XKRX: variants seen among roughly 807,000 people sequenced by gnomAD.
XKRX encodes the protein XK related X-linked, also known as XK-related protein 2.
Under a neutral mutation model 22.4 loss-of-function variants are expected in XKRX, and 11 were observed. That is an observed-to-expected ratio of 0.49 (90% CI 0.31 to 0.81). XKRX has a LOEUF of 0.81. XKRX is among the 40% of genes least tolerant of loss of function. XKRX has a pLI of 0.05. For missense variants in XKRX, 320 were observed against 336.5 expected (o/e 0.95, Z 0.38); for synonymous variants, 114 against 132.2 (o/e 0.86, Z 0.94).
At chrX:100,901,078 C>T in the XKRX span, among the ~76,000 whole-genome samples, 1 of 111,522 alleles carries the variant, frequency 9.0e-6, no homozygotes, top group Non-Finnish European at 1.9e-5. Context: ...GCGTGAGCCA[C>T]CGCACCTGGC....
In XKRX at chrX:100,927,845, G is replaced by A. The variant is rs752762958; in HGVS notation, c.335+125C>T. On this transcript the variant is annotated intron_variant, in intron 1 of 2. Coordinates refer to ENST00000372956, the MANE Select transcript of XKRX (RefSeq NM_212559.3). ...TTTCTGAATGGTAGACAGGGAAGCCGAGAGTGGGAGGAAATGAGAGAATTG... is the reference window on the plus strand; with the variant it reads ...TTTCTGAATGGTAGACAGGGAAGCCAAGAGTGGGAGGAAATGAGAGAATTG... The A allele has an allele frequency of 4.6e-5, 41 of 881,996 alleles. No homozygotes were observed. The East Asian group carries it at 7.7e-4, about 17-fold the overall frequency. 72.7% of individuals were successfully genotyped at this position (881,996 alleles called of 1,213,427 possible).
upstream of XKRX, chrX:100,929,304 G>C (rs1350149541): frequency 8.9e-6 from 1 of 111,872 alleles, no homozygotes; most frequent in Non-Finnish European, 1.9e-5. Context: ...AAAACCAGCC[G>C]GAGAGTTCCC....
At chrX:100,957,909 A>G in the XKRX span, among the ~76,000 whole-genome samples, 1 of 111,477 alleles carries the variant, frequency 9.0e-6, no homozygotes, top group East Asian at 2.8e-4. Context: ...AGAGCAGCAC[A>G]TTCTTACAGA....
intron 2 of XKRX, among the ~76,000 whole-genome samples, chrX:100,917,723 A>AAAGAAAGAAAGAAAGAAAGAAATAAATC (rs1244436845): frequency 4.9e-5 from 4 of 81,429 alleles, no homozygotes; most frequent in Non-Finnish European, 1.1e-4. Flanking sequence ...AGAAAGAAAG[A>AAAGAAAGAAAGAAAGAAAGAAATAAATC]AATCCTTGGT....
the XKRX span, among the ~76,000 whole-genome samples, chrX:100,898,231 TC>T: frequency 3.6e-5 from 4 of 111,724 alleles, no homozygotes; most frequent in Non-Finnish European, 7.5e-5. Context: ...CTGTCTGCTG[TC>T]CTCACTCACC....
chrX:100,899,951 C>G, the XKRX span, among the ~76,000 whole-genome samples: 2 of 112,172 alleles, frequency 1.8e-5, no homozygotes, highest in African/African-American at 6.5e-5. Flanking sequence ...AATGCAATCC[C>G]TATCAAAATC....
At chrX:100,912,312 G>C (rs1472653545), downstream of XKRX, among the ~76,000 whole-genome samples, 1 of 111,156 alleles carries the variant, frequency 9.0e-6, no homozygotes, top group Non-Finnish European at 1.9e-5. Flanking sequence ...AATGGAATGG[G>C]GGAGTTGGGG....
chrX:100,919,569 A>G (rs2085461866), intron 2 of XKRX, among the ~76,000 whole-genome samples: 1 of 112,011 alleles, frequency 8.9e-6, no homozygotes, highest in African/African-American at 3.2e-5. Flanking sequence ...ATTAATATGA[A>G]AAAGACAACC....
At chrX:100,920,709 G>T (rs2147941057) in intron 2 of XKRX, among the ~76,000 whole-genome samples, 1 of 112,245 alleles carries the variant, frequency 8.9e-6, no homozygotes, top group South Asian at 3.7e-4. Context: ...GAAATTTTCT[G>T]TGCAAATACA....
chrX:100,907,624 T>A, the XKRX span, among the ~76,000 whole-genome samples: 1 of 111,874 alleles, frequency 8.9e-6, no homozygotes, highest in African/African-American at 3.3e-5. Flanking sequence ...AAAATTTAAG[T>A]TACCAGTTTT....
At chrX:100,934,415 A>C (rs2085529519), upstream of XKRX, among the ~76,000 whole-genome samples, 1 of 112,014 alleles carries the variant, frequency 8.9e-6, no homozygotes, top group African/African-American at 3.2e-5. Context: ...CTTGAAATGC[A>C]GGCAGAATTT....
chrX:100,916,567 T>G (rs1412624730), intron 2 of XKRX, among the ~76,000 whole-genome samples: 2 of 112,233 alleles, frequency 1.8e-5, no homozygotes, highest in East Asian at 5.6e-4. Context: ...AGGAGACTCA[T>G]AGAGAACGCT....
Position 100,928,244 on chromosome X carries a change from C to T in XKRX, c.61G>A (p.Glu21Lys). The T allele has an allele frequency of 1.7e-6, 2 of 1,211,679 alleles. No individual in the cohort carries two copies. The highest frequency in any genetic ancestry group is 2.2e-6 in the Non-Finnish European group (2 of 895,528). Residue 21 changes from glutamate (E) to lysine (K), a missense_variant, in exon 1 of 3, where the codon GAA becomes AAA. By Grantham distance (56) the Glu-to-Lys change is moderately conservative. Coordinates refer to ENST00000372956, the MANE Select transcript of XKRX (RefSeq NM_212559.3). ...GGGTTGGCTCCACGGATGACATCTT[C>T]CTCCAGAGATGAAACCGGATCCACA... ...PNVDPVSSLE[E>K]DVIRGANPRF...
chrX:100,891,914 A>G, the XKRX span, among the ~76,000 whole-genome samples: 3 of 111,619 alleles, frequency 2.7e-5, no homozygotes, highest in Non-Finnish European at 5.6e-5. Context: ...TAAATACTTA[A>G]ACATAAGGCC....
chrX:100,936,253 AC>A, the XKRX span, among the ~76,000 whole-genome samples: 36 of 110,289 alleles, frequency 3.3e-4, no homozygotes, highest in African/African-American at 1.2e-3. Context: ...ATAAAGAAAT[AC>A]CCATGGCCGG....
At chrX:100,941,405 T>A in the XKRX span, among the ~76,000 whole-genome samples, 1 of 111,073 alleles carries the variant, frequency 9.0e-6, no homozygotes, top group South Asian at 3.9e-4. Context: ...AAAAATTAGC[T>A]AGGCGTGGTG....
At chrX:100,917,718 G>GAAAGAAAGAAAGAA (rs1556194341) in intron 2 of XKRX, among the ~76,000 whole-genome samples, 73 of 85,805 alleles carry the variant, frequency 8.5e-4, no homozygotes, top group African/African-American at 2.6e-3. Flanking sequence ...AAGAAAGAAA[G>GAAAGAAAGAAAGAA]AAAGAAATCC....
At chrX:100,896,090 C>CAGT in the XKRX span, among the ~76,000 whole-genome samples, 1 of 111,564 alleles carries the variant, frequency 9.0e-6, no homozygotes, top group African/African-American at 3.3e-5. Context: ...CCATAAAACT[C>CAGT]AGAGTTACCA....
At chrX:100,952,433 C>A in the XKRX span, among the ~76,000 whole-genome samples, 2 of 110,113 alleles carry the variant, frequency 1.8e-5, no homozygotes, top group Non-Finnish European at 3.8e-5. Flanking sequence ...AATGCTTTCT[C>A]CAAAGATCAG....
Sources: gnomAD v4.1 joint callset for allele counts (sites outside exome capture counted in the v4.1 genomes callset) on GRCh38, gnomAD v4.1.1 for gene constraint, MANE v1.5 for transcripts, NCBI Gene and HGNC (gene_info 2026-07-23, HGNC 2026-07-21) for gene names.